CENPF: variants seen among roughly 807,000 people sequenced by gnomAD.
The protein encoded by CENPF is AH antigen.
CENPF carries 214 observed loss-of-function variants against 307.3 expected under a neutral mutation model. The ratio of observed to expected loss-of-function variants is 0.70; its 90% confidence interval spans 0.62 to 0.78. The LOEUF is 0.78. CENPF is among the 30% of genes least tolerant of loss of function. The pLI, the probability that CENPF is intolerant of heterozygous loss-of-function variation, is 0.00. For missense variants in CENPF, 3,401 were observed against 3,483.9 expected, an observed-to-expected ratio of 0.98 and a Z score of 0.60; for synonymous variants, 1,259 against 1,270.6, an observed-to-expected ratio of 0.99 and a Z score of 0.19.
chr1:214,605,456 T>A (rs547884534), intron 1 of CENPF: 117 of 516,668 alleles, frequency 2.3e-4, no homozygotes, highest in South Asian at 1.8e-3. Context: ...TTTTTTTTTT[T>A]AAATTTTAAA....
chr1:214,661,699 TC>T (rs1470741695), intron 19 of CENPF, among the ~76,000 whole-genome samples: 1 of 152,174 alleles, frequency 6.6e-6, no homozygotes, highest in Non-Finnish European at 1.5e-5. Flanking sequence ...TGTGATCAGT[TC>T]CAGAGGACTG....
At chr1:214,609,397 AC>A (rs1267332434) in intron 1 of CENPF, among the ~76,000 whole-genome samples, 1 of 152,140 alleles carries the variant, frequency 6.6e-6, no homozygotes, top group East Asian at 1.9e-4. Context: ...GCTGTGAGTA[AC>A]TATGATGGGA....
Position 214,645,371 on chromosome 1 carries a change from G to A in CENPF, c.5801G>A (p.Cys1934Tyr). Residue 1934 changes from cysteine (C) to tyrosine (Y), a missense_variant, in exon 13 of 20, where the codon TGT becomes TAT. Transcript: ENST00000366955. ...DLEVVQTEKL[C>Y]LEKDNENKQK... ...GAGGTAGTTCAAACAGAGAAGCTAT[G>A]TTTAGAAAAAGACAATGAAAATAAG... is the stretch of plus-strand genomic sequence containing the variant. 1 of 1,614,046 alleles carries A rather than the reference G, an allele frequency of 6.2e-7. No homozygotes were observed. The highest frequency in any genetic ancestry group is 2.2e-5 in the East Asian group (1 of 44,854).
At chr1:214,614,441 A>C (rs1657282122) in intron 2 of CENPF, among the ~76,000 whole-genome samples, 1 of 152,222 alleles carries the variant, frequency 6.6e-6, no homozygotes, top group African/African-American at 2.4e-5. Flanking sequence ...AGCCAACTAA[A>C]TAGTGATACA....
chr1:214,660,853 G>A (rs1658770917), intron 19 of CENPF, among the ~76,000 whole-genome samples: 1 of 152,196 alleles, frequency 6.6e-6, no homozygotes, highest in African/African-American at 2.4e-5. Context: ...TGAGGTTACT[G>A]ATTACATCTA....
chr1:214,609,292 A>G (rs1571691894), intron 1 of CENPF, among the ~76,000 whole-genome samples: 1 of 152,292 alleles, frequency 6.6e-6, no homozygotes, highest in South Asian at 2.1e-4. Flanking sequence ...CACCTTTTGC[A>G]GTGATTCTAG....
In CENPF at chr1:214,657,341, T is replaced by C. The variant is rs1465108219; in HGVS notation, c.8894T>C (p.Ile2965Thr). The C allele has an allele frequency of 1.2e-6, 2 of 1,613,522 alleles. No homozygotes were observed. The highest frequency in any genetic ancestry group is 1.3e-5 in the African/African-American group (1 of 75,052). The change falls in exon 18 of 20, where the codon ATT becomes ACT. Residue 2965 changes from isoleucine to threonine, a missense_variant. By Grantham distance (89) the Ile-to-Thr change is moderately conservative. Coordinates refer to ENST00000366955, the MANE Select transcript of CENPF (RefSeq NM_016343.4). ...AGCAAGAAAGCAGTCATGAGTGGTATTCACCCTGCAGAAGACACGGAAGGT... is the reference window on the plus strand; with the variant it reads ...AGCAAGAAAGCAGTCATGAGTGGTACTCACCCTGCAGAAGACACGGAAGGT... Reference protein sequence around the residue: ...KKSKKAVMSGIHPAEDTEGTE... With the variant: ...KKSKKAVMSGTHPAEDTEGTE...
chr1:214,643,403 T>C, intron 12 of CENPF, 79 bp downstream of exon 12: 1 of 1,215,176 alleles, frequency 8.2e-7, no homozygotes, highest in African/African-American at 1.6e-5. Flanking sequence ...CTAATTGAAA[T>C]GTACATTAAA....
intron 1 of CENPF, chr1:214,608,821 C>G: frequency 1.3e-6 from 2 of 1,596,948 alleles, no homozygotes; most frequent in African/African-American, 1.3e-5. Context: ...GCAGAGCTCA[C>G]TCAGCGACAG....
Position 214,641,435 on chromosome 1 carries a change from G to A in CENPF, c.3097G>A (p.Gly1033Arg), listed in dbSNP as rs3795518. 107,663 of 1,561,246 alleles carry A rather than the reference G, an allele frequency of 0.069. 5,524 individuals carry two copies. Among genetic ancestry groups the A allele is most frequent in the African/African-American group, 0.23 (16,514 of 72,084 alleles). Residue 1033 changes from glycine (G) to arginine (R), a missense_variant, in exon 12 of 20, where the codon GGA becomes AGA. Physicochemically the swap from Gly to Arg is moderately radical, Grantham distance 125 (BLOSUM62 -2). Transcript: ENST00000366955. The part of the protein sequence containing the change: ...LILLQRCEET[G>R]NAYEDLSQKY... Reference sequence around the variant, plus strand: ...TTTACTACAAAGATGTGAAGAAACCGGAAATGCATATGAGGATCTTAGTCA... The same window carrying A: ...TTTACTACAAAGATGTGAAGAAACCAGAAATGCATATGAGGATCTTAGTCA...
At chr1:214,625,865 T>A (rs1464931308) in intron 7 of CENPF, among the ~76,000 whole-genome samples, 1 of 152,136 alleles carries the variant, frequency 6.6e-6, no homozygotes, top group Admixed American at 6.5e-5. Flanking sequence ...CTTTTTACCC[T>A]CCCTCATTTA....
At chr1:214,656,899 A>G (rs754546381) in intron 17 of CENPF, 34 bp from the exon 18 acceptor site, 1 of 1,330,688 alleles carries the variant, frequency 7.5e-7, no homozygotes, top group Admixed American at 2.1e-5. Flanking sequence ...AGAAGCATCA[A>G]GTTGCACATG....
In CENPF at chr1:214,622,259, A is replaced by G. The variant is rs768522794; in HGVS notation, c.1046A>G (p.Gln349Arg). The change falls in exon 7 of 20, where the codon CAA (glutamine) becomes CGA (arginine). Residue 349 changes from glutamine (Q) to arginine (R), a missense_variant. By Grantham distance (43) the Gln-to-Arg change is conservative. Coordinates refer to ENST00000366955, the MANE Select transcript of CENPF (RefSeq NM_016343.4). ...CRDELVRTTA[Q>R]YDQASTKYTA... is the part of the protein sequence containing the mutation. ...GATGAACTAGTGAGAACAACAGCAC[A>G]ATACGACCAGGCGTCAACCAAGGTA... The G allele has an allele frequency of 3.7e-6, 6 of 1,612,316 alleles. No homozygotes were observed. The African/African-American group carries it at 4.0e-5, about 11-fold the overall frequency.
chr1:214,623,125 T>G lies in CENPF; in HGVS notation c.1068+844T>G, dbSNP rs538163547. On this transcript the variant is annotated intron_variant, in intron 7 of 19. Transcript: ENST00000366955. ...ACTCGGGAGTCTGAGGCACAAGAAT[T>G]GTTTAAACCTGGAAGGCAAAGGTTG... 7.6e-4 allele frequency among the ~76,000 whole-genome samples: 116 copies of G among 152,194 alleles called. 1 individual carries two copies. The South Asian group carries it at 0.015, about 20-fold the overall frequency.
At chr1:214,643,408 A>G in intron 12 of CENPF, 84 bp downstream of exon 12, 2 of 1,181,572 alleles carry the variant, frequency 1.7e-6, no homozygotes, top group Non-Finnish European at 2.2e-6. Flanking sequence ...TGAAATGTAC[A>G]TTAAACCTAA....
Position 214,643,342 on chromosome 1 carries a change from A to G in CENPF, c.4986+18A>G. ...CAGAAGATGTAAGTACCTGGGATTT[A>G]AATGCCATTTCTCGGTTTACATGAC... On this transcript the variant is annotated intron_variant, in intron 12 of 19. Coordinates refer to ENST00000366955, the MANE Select transcript of CENPF (RefSeq NM_016343.4). The G allele has an allele frequency of 6.9e-7, 1 of 1,456,880 alleles. No individual in the cohort carries two copies. The allele number at this position is 1,456,880 out of a possible 1,614,324, so 90.2% of individuals were successfully genotyped here.
At chr1:214,662,325 C>T (rs1361476354) in intron 19 of CENPF, among the ~76,000 whole-genome samples, 1 of 151,578 alleles carries the variant, frequency 6.6e-6, no homozygotes, top group Non-Finnish European at 1.5e-5. Context: ...GGTAATTTTC[C>T]ATTAAGTCCT....
intron 18 of CENPF, 51 bp from the exon 19 acceptor site, chr1:214,658,799 G>A (rs1174025273): frequency 2.6e-6 from 4 of 1,557,886 alleles, no homozygotes; most frequent in Non-Finnish European, 1.8e-6. Context: ...CTTTTCCACT[G>A]TAGATAGAAT....
Position 214,642,358 on chromosome 1 carries a change from G to C in CENPF, c.4020G>C (p.Gly1340=), listed in dbSNP as rs1306709274. 1 of 1,613,144 alleles carries C rather than the reference G, an allele frequency of 6.2e-7. No homozygotes were observed. The highest frequency in any genetic ancestry group is 8.5e-7 in the Non-Finnish European group (1 of 1,179,718). ...CTAGGAAAATGGCAGAAGAGGTAGG[G>C]AAACTACTAAATGAAGTTAAAATAT... The part of the protein sequence containing the change: ...TATRKMAEEV[G]KLLNEVKILN... The change falls in exon 12 of 20, where the codon GGG becomes GGC. Residue 1340 remains glycine, a synonymous_variant. Transcript: ENST00000366955.
Sources: gnomAD v4.1 joint callset for allele counts (sites outside exome capture counted in the v4.1 genomes callset) on GRCh38, gnomAD v4.1.1 for gene constraint, MANE v1.5 for transcripts, NCBI Gene and HGNC (gene_info 2026-07-23, HGNC 2026-07-21) for gene names.